The following TEK variants were observed in gnomAD, a reference collection of about 807,000 sequenced individuals.
The protein encoded by TEK is angiopoietin-1 receptor.
A neutral mutation model predicts 131.8 loss-of-function variants in TEK; 43 were observed. The observed-to-expected ratio is 0.33, with a 90% confidence interval of 0.26 to 0.42. The LOEUF is 0.42. Ranked by LOEUF, TEK falls within the 10% of genes least tolerant of loss-of-function variation. The probability of loss-of-function intolerance (pLI) is 1.00; values close to 1 mark genes in which losing one functional copy is unlikely to be tolerated. For synonymous variants in TEK, 580 were observed against 491.6 expected (o/e 1.18, Z -2.38); for missense variants, 1,162 against 1,384.4 (o/e 0.84, Z 2.55).
chr9:27,120,044 A>G (rs1161211252), intron 1 of TEK, among the ~76,000 whole-genome samples: 1 of 152,186 alleles, frequency 6.6e-6, no homozygotes, highest in Non-Finnish European at 1.5e-5. Flanking sequence ...AGGATGTTCT[A>G]ATCTTCTGGG....
At chr9:27,223,334 C>T (rs1469061568) in intron 21 of TEK, among the ~76,000 whole-genome samples, 1 of 152,178 alleles carries the variant, frequency 6.6e-6, no homozygotes, top group Non-Finnish European at 1.5e-5. Flanking sequence ...TTCTTCTCAG[C>T]ACCTCATCAC....
intron 1 of TEK, among the ~76,000 whole-genome samples, chr9:27,120,945 C>T (rs898840487): frequency 1.3e-5 from 2 of 152,192 alleles, no homozygotes; most frequent in East Asian, 1.9e-4. Context: ...TGGTTTTGCC[C>T]GCTGGACTAT....
At chr9:27,200,963 A>G (rs899424792) in intron 12 of TEK, among the ~76,000 whole-genome samples, 3 of 152,014 alleles carry the variant, frequency 2.0e-5, no homozygotes, top group African/African-American at 4.8e-5. Flanking sequence ...TTTTAGTTCT[A>G]TTTTTCCCCC....
chr9:27,214,714 G>A (rs992983683), intron 18 of TEK, among the ~76,000 whole-genome samples: 1 of 152,084 alleles, frequency 6.6e-6, no homozygotes, highest in Non-Finnish European at 1.5e-5. Flanking sequence ...CAACCACAGT[G>A]AACGTAATCA....
At chr9:27,123,470 C>T (rs946167199) in intron 1 of TEK, among the ~76,000 whole-genome samples, 3 of 152,132 alleles carry the variant, frequency 2.0e-5, no homozygotes, top group African/African-American at 7.2e-5. Flanking sequence ...TATAAATACA[C>T]TGTAATGAGG....
At chr9:27,126,867 G>A (rs751157240) in intron 1 of TEK, among the ~76,000 whole-genome samples, 6 of 152,230 alleles carry the variant, frequency 3.9e-5, no homozygotes, top group African/African-American at 9.6e-5. Flanking sequence ...TGGATTCCCC[G>A]AAGCAGGCCT....
chr9:27,170,714 T>C (rs948892079), intron 4 of TEK, among the ~76,000 whole-genome samples: 3 of 152,188 alleles, frequency 2.0e-5, no homozygotes, highest in Non-Finnish European at 4.4e-5. Flanking sequence ...GCTTTCTCTC[T>C]AAGATGCTGC....
At chr9:27,172,594 G>A (rs767918960) in intron 4 of TEK, 22 bp from the exon 5 acceptor site, 4 of 1,612,872 alleles carry the variant, frequency 2.5e-6, no homozygotes, top group Admixed American at 1.7e-5. Flanking sequence ...ACTCACCACA[G>A]CCTTGTTTTC....
In TEK at chr9:27,120,923, C is replaced by A. The variant is rs554566535; in HGVS notation, c.52+11281C>A. 5.3e-5 allele frequency among the ~76,000 whole-genome samples: 8 copies of A among 152,334 alleles called. No individual in the cohort carries two copies. The East Asian group carries it at 1.4e-3, about 26-fold the overall frequency. On this transcript the variant is annotated intron_variant, in intron 1 of 22. Coordinates refer to ENST00000380036, the MANE Select transcript of TEK (RefSeq NM_000459.5). ...ACTTAGAAAATTTAATTACAATGTA[C>A]AGTTTACTGGTTGGTTTTGCCCGCT...
intron 6 of TEK, among the ~76,000 whole-genome samples, chr9:27,174,773 T>C (rs1405481643): frequency 6.6e-6 from 1 of 152,120 alleles, no homozygotes; most frequent in African/African-American, 2.4e-5. Flanking sequence ...ATCTGGCCTC[T>C]GAAGTGTGTA....
intron 1 of TEK, among the ~76,000 whole-genome samples, chr9:27,113,167 A>T (rs1821411670): frequency 2.0e-5 from 3 of 152,236 alleles, no homozygotes; most frequent in Admixed American, 2.0e-4. Flanking sequence ...AACCATAAGC[A>T]AGTTATTTAA....
rs540225439 is a variant in TEK, at chr9:27,181,476, A to G, written c.1030+1108A>G. Among the ~76,000 whole-genome samples, 10 of 152,296 alleles carry G rather than the reference A, an allele frequency of 6.6e-5. No homozygotes were observed. The South Asian group carries it at 1.7e-3, about 25-fold the overall frequency. ...AGATTGCCTGTTCTTGACATTTTATATGCTGTAAACAAGATTGTATAATAC... is the reference window on the plus strand; with the variant it reads ...AGATTGCCTGTTCTTGACATTTTATGTGCTGTAAACAAGATTGTATAATAC... On this transcript the variant is annotated intron_variant, in intron 7 of 22. Coordinates refer to ENST00000380036, the MANE Select transcript of TEK (RefSeq NM_000459.5).
At chr9:27,223,199 C>A (rs982227415) in intron 21 of TEK, among the ~76,000 whole-genome samples, 2 of 152,078 alleles carry the variant, frequency 1.3e-5, no homozygotes, top group South Asian at 2.1e-4. Flanking sequence ...ACCCCACTAT[C>A]AATATTAGAC....
chr9:27,141,719 T>TC (rs762860396), intron 1 of TEK, among the ~76,000 whole-genome samples: 9 of 152,204 alleles, frequency 5.9e-5, no homozygotes, highest in Non-Finnish European at 1.3e-4. Context: ...ACAAGGATGC[T>TC]AGTCAAATGA....
At chr9:27,225,438 C>T (rs962039283) in intron 21 of TEK, among the ~76,000 whole-genome samples, 3 of 152,126 alleles carry the variant, frequency 2.0e-5, no homozygotes, top group African/African-American at 7.2e-5. Flanking sequence ...TAACACCACA[C>T]ATCTACAACC....
chr9:27,132,427 T>A (rs2131064458), intron 1 of TEK, among the ~76,000 whole-genome samples: 1 of 152,320 alleles, frequency 6.6e-6, no homozygotes, highest in Non-Finnish European at 1.5e-5. Context: ...TTATCAGGAC[T>A]GCTATTTTGA....
intron 4 of TEK, among the ~76,000 whole-genome samples, chr9:27,172,268 C>G (rs557734906): frequency 5.9e-5 from 9 of 152,224 alleles, no homozygotes; most frequent in Non-Finnish European, 1.3e-4. Flanking sequence ...GCCATGCTGT[C>G]TTCCCATGCC....
chr9:27,140,257 A>C (rs1167374389), intron 1 of TEK, among the ~76,000 whole-genome samples: 1 of 152,122 alleles, frequency 6.6e-6, no homozygotes, highest in African/African-American at 2.4e-5. Context: ...GCTTAGTCCC[A>C]ATTCTTGTGG....
At chr9:27,180,748 A>G (rs1344929158) in intron 7 of TEK, among the ~76,000 whole-genome samples, 1 of 152,228 alleles carries the variant, frequency 6.6e-6, no homozygotes, top group Non-Finnish European at 1.5e-5. Context: ...AGCAATAGAA[A>G]GAATAAAACA....
Sources: allele counts gnomAD v4.1 joint callset (sites outside exome capture counted in the v4.1 genomes callset), GRCh38; gene constraint gnomAD v4.1.1; transcripts MANE v1.5; gene names NCBI Gene and HGNC (gene_info 2026-07-23, HGNC 2026-07-21).